TXNDC9: variants seen among roughly 807,000 people sequenced by gnomAD.
TXNDC9 encodes thioredoxin domain containing 9, also known as thioredoxin domain-containing protein 9.
TXNDC9 carries 7 observed loss-of-function variants against 23.0 expected under a neutral mutation model. That is an observed-to-expected ratio of 0.30 (90% CI 0.17 to 0.57). The LOEUF (loss-of-function observed/expected upper bound fraction) is 0.57, where lower values mean the gene tolerates loss of function less well. TXNDC9 is among the 20% of genes least tolerant of loss of function. The pLI is 0.90. For synonymous variants in TXNDC9, 72 were observed against 90.6 expected (o/e 0.79, Z 1.17); for missense variants, 198 against 252.6 (o/e 0.78, Z 1.47).
intron 2 of TXNDC9, among the ~76,000 whole-genome samples, chr2:99,330,314 A>AAAAAAAAAAAAAAAAAAC (rs2094221902): frequency 7.0e-6 from 1 of 142,432 alleles, no homozygotes; most frequent in Non-Finnish European, 1.5e-5. Flanking sequence ...AAAAAAAAAA[A>AAAAAAAAAAAAAAAAAAC]AAAAAGCTGC....
At chr2:99,316,406 C>G (rs1329016833), downstream of TXNDC9, among the ~76,000 whole-genome samples, 1 of 146,840 alleles carries the variant, frequency 6.8e-6, no homozygotes, top group African/African-American at 2.5e-5. Flanking sequence ...CTCCTGGCCT[C>G]AAGCACTCCT....
At chr2:99,332,935 G>A (rs2094229397) in intron 2 of TXNDC9, 87 bp downstream of exon 2, 9 of 1,115,928 alleles carry the variant, frequency 8.1e-6, no homozygotes, top group South Asian at 4.3e-5. Flanking sequence ...CACAAAGAAC[G>A]AAATGTAACT....
intron 3 of TXNDC9, among the ~76,000 whole-genome samples, chr2:99,326,221 T>C (rs1574907195): frequency 6.6e-6 from 1 of 152,306 alleles, no homozygotes; most frequent in East Asian, 1.9e-4. Context: ...TCACAAGGGA[T>C]TTCACCATCT....
At chr2:99,309,241 C>T in the TXNDC9 span, among the ~76,000 whole-genome samples, 6 of 151,436 alleles carry the variant, frequency 4.0e-5, no homozygotes, top group African/African-American at 1.5e-4. Context: ...GGCGTGGTGG[C>T]ACACGATTGT....
chr2:99,335,595 A>C (rs868285200), intron 1 of TXNDC9, among the ~76,000 whole-genome samples: 21 of 152,204 alleles, frequency 1.4e-4, no homozygotes, highest in Middle Eastern at 3.2e-3. Flanking sequence ...GAAAAATGTC[A>C]GTAGGACTGT....
chr2:99,315,229 AT>A (rs745742076), downstream of TXNDC9, among the ~76,000 whole-genome samples: 1,708 of 147,280 alleles, frequency 0.012, 9 homozygotes, highest in Middle Eastern at 0.024. Flanking sequence ...TACCCGGCTA[AT>A]TTTTTTTTTT....
At chr2:99,323,054 C>T (rs775267695) in intron 3 of TXNDC9, among the ~76,000 whole-genome samples, 4 of 152,306 alleles carry the variant, frequency 2.6e-5, no homozygotes, top group South Asian at 2.1e-4. Flanking sequence ...AGCCACTGCA[C>T]CCAGCCTACC....
chr2:99,335,623 C>A (rs7579143), intron 1 of TXNDC9, among the ~76,000 whole-genome samples: 2 of 152,042 alleles, frequency 1.3e-5, no homozygotes, highest in South Asian at 4.2e-4. Flanking sequence ...AGTGAGGGGG[C>A]TGGAAGGAGA....
chr2:99,306,658 G>T, the TXNDC9 span: 1 of 381,256 alleles, frequency 2.6e-6, no homozygotes, highest in Non-Finnish European at 5.5e-6. Context: ...TGTAGGTCCT[G>T]GGTGTCTGTA....
At chr2:99,318,980 T>C (rs1421553562), downstream of TXNDC9, 2 of 152,262 alleles carry the variant, frequency 1.3e-5, no homozygotes, top group African/African-American at 4.8e-5. Context: ...CTTGAAAAAC[T>C]GTTTTTGTTG....
downstream of TXNDC9, among the ~76,000 whole-genome samples, chr2:99,315,124 G>C (rs929777548): frequency 2.1e-5 from 3 of 139,642 alleles, no homozygotes; most frequent in Non-Finnish European, 4.6e-5. Flanking sequence ...GTGCAGTGGC[G>C]CGATCTTGGC....
intron 2 of TXNDC9, among the ~76,000 whole-genome samples, chr2:99,329,173 A>G (rs2094219513): frequency 6.6e-6 from 1 of 152,198 alleles, no homozygotes; most frequent in African/African-American, 2.4e-5. Context: ...CAATATATCC[A>G]TAATTCTGGT....
At chr2:99,333,772 T>G (rs1012899403) in intron 1 of TXNDC9, among the ~76,000 whole-genome samples, 1 of 152,228 alleles carries the variant, frequency 6.6e-6, no homozygotes, top group Admixed American at 6.5e-5. Flanking sequence ...CTAAGACGTC[T>G]CATTACCATT....
the TXNDC9 span, among the ~76,000 whole-genome samples, chr2:99,312,015 G>A: frequency 1.3e-5 from 2 of 152,144 alleles, no homozygotes; most frequent in African/African-American, 4.8e-5. Flanking sequence ...TTGTTTGTTT[G>A]GATGAACCTG....
chr2:99,318,058 T>G (rs1188677761), downstream of TXNDC9, among the ~76,000 whole-genome samples: 1 of 152,196 alleles, frequency 6.6e-6, no homozygotes, highest in African/African-American at 2.4e-5. Context: ...GCCTGGCTAA[T>G]TTTTAAACTT....
the TXNDC9 span, among the ~76,000 whole-genome samples, chr2:99,309,020 A>C: frequency 2.0e-5 from 3 of 152,052 alleles, no homozygotes; most frequent in Admixed American, 1.3e-4. Flanking sequence ...ATAAATATTA[A>C]AAAAATTTAA....
At chr2:99,332,367 C>T (rs936031788) in intron 2 of TXNDC9, among the ~76,000 whole-genome samples, 1 of 152,098 alleles carries the variant, frequency 6.6e-6, no homozygotes, top group African/African-American at 2.4e-5. Flanking sequence ...TGCTTGAAGC[C>T]GGGAAGCGGA....
chr2:99,319,277 A>T lies in TXNDC9; in HGVS notation c.*405T>A, dbSNP rs2094195987. 1 of 154,848 alleles carries T rather than the reference A, an allele frequency of 6.5e-6. No homozygotes were observed. The highest frequency in any genetic ancestry group is 6.5e-5 in the Admixed American group (1 of 15,342). The allele number at this position is 154,848 out of a possible 1,614,324, so 9.6% of individuals were successfully genotyped here. A position where few individuals can be genotyped will look rare whatever the true frequency, so the allele number is the denominator to read the frequency against. On this transcript the variant is annotated 3_prime_UTR_variant, in exon 5 of 5. Transcript: ENST00000264255. The stretch of plus-strand genomic sequence containing the variant: ...AATATATTCCAGAAGAGCGTTTATA[A>T]TTCATTTACAAGTGCAGTATTGCGC...
chr2:99,328,101 A>T (rs570019095), intron 2 of TXNDC9, among the ~76,000 whole-genome samples: 121 of 147,764 alleles, frequency 8.2e-4, no homozygotes, highest in African/African-American at 2.2e-3. Flanking sequence ...TTATTTATTT[A>T]TTTTTTTTTT....
Sources: allele counts gnomAD v4.1 joint callset (sites outside exome capture counted in the v4.1 genomes callset), GRCh38; gene constraint gnomAD v4.1.1; transcripts MANE v1.5; gene names NCBI Gene and HGNC (gene_info 2026-07-23, HGNC 2026-07-21).